PCNX2: variants seen among roughly 807,000 people sequenced by gnomAD.
The protein encoded by PCNX2 is pecanex-like protein 2.
PCNX2 carries 168 observed loss-of-function variants against 223.8 expected under a neutral mutation model. The ratio of observed to expected loss-of-function variants is 0.75; its 90% CI spans 0.66 to 0.85. The LOEUF (loss-of-function observed/expected upper bound fraction) is 0.85. Ranked by LOEUF, PCNX2 falls within the 40% of genes least tolerant of loss-of-function variation. The pLI, the probability that PCNX2 is intolerant of heterozygous loss-of-function variation, is 0.00. For missense variants in PCNX2, 2,507 were observed against 2,675.5 expected (o/e 0.94, Z 1.39); for synonymous variants, 1,006 against 1,052.6 (o/e 0.96, Z 0.86).
intron 30 of PCNX2, among the ~76,000 whole-genome samples, chr1:232,999,791 CTT>C (rs1389765861): frequency 6.6e-6 from 1 of 152,170 alleles, no homozygotes; most frequent in African/African-American, 2.4e-5. Flanking sequence ...GTGTAAAGCT[CTT>C]TTCACAGTTA....
chr1:233,228,167 G>C (rs1479949459), intron 9 of PCNX2, among the ~76,000 whole-genome samples: 2 of 152,000 alleles, frequency 1.3e-5, no homozygotes, highest in Non-Finnish European at 2.9e-5. Context: ...CCTCCTATTG[G>C]ACATCCCACC....
rs370037293 is a variant in PCNX2 at position 233,126,879 on chromosome 1, A to G, written c.3837+8134T>C. 1.3e-5 allele frequency among the ~76,000 whole-genome samples: 2 copies of G among 151,828 alleles called. No homozygotes were observed. The highest frequency in any genetic ancestry group is 2.4e-5 in the African/African-American group (1 of 41,280). On this transcript the variant is annotated intron_variant, in intron 21 of 33. Transcript: ENST00000258229. This position sits in a 1 kb window ranked among gnomAD's most constrained non-coding sequence, Gnocchi z 4.8. ...AATCTAGTTAATGACACCCCCTTTC[A>G]TCTAGTCACTGAAGTATGCTGAGAG...
intron 21 of PCNX2, among the ~76,000 whole-genome samples, chr1:233,109,975 A>G (rs1369998743): frequency 6.6e-6 from 1 of 152,040 alleles, no homozygotes; most frequent in African/African-American, 2.4e-5. Flanking sequence ...TGTAATCCCA[A>G]CTACTCAGGA....
At chr1:233,026,516 G>T (rs1572025019) in intron 25 of PCNX2, among the ~76,000 whole-genome samples, 1 of 152,198 alleles carries the variant, frequency 6.6e-6, no homozygotes, top group African/African-American at 2.4e-5. Flanking sequence ...GGGAACAAGA[G>T]TGGGAGCCAG....
intron 25 of PCNX2, among the ~76,000 whole-genome samples, chr1:233,042,586 C>T (rs755450281): frequency 6.6e-6 from 1 of 152,194 alleles, no homozygotes; most frequent in Admixed American, 6.5e-5. Context: ...CACACTGTAA[C>T]AGGGAGAAGT....
At chr1:233,215,450 A>G (rs76846566) in intron 12 of PCNX2, among the ~76,000 whole-genome samples, 7 of 152,336 alleles carry the variant, frequency 4.6e-5, no homozygotes, top group African/African-American at 1.7e-4. Flanking sequence ...AGATAAAGGA[A>G]TAGCAGCTTG....
At chr1:233,213,816 CTTTTTTTT>C (rs71173256) in intron 12 of PCNX2, among the ~76,000 whole-genome samples, 18 of 65,264 alleles carry the variant, frequency 2.8e-4, no homozygotes, top group African/African-American at 9.6e-4. Context: ...CCAGTGCACT[CTTTTTTTT>C]TTTTTTTTTT....
chr1:233,058,490 A>G (rs979700930), intron 23 of PCNX2: 1 of 152,252 alleles, frequency 6.6e-6, no homozygotes, highest in East Asian at 1.9e-4. Flanking sequence ...CAAAATGGCA[A>G]TTTCATATGG....
chr1:233,025,279 T>C lies in PCNX2; in HGVS notation c.4472A>G (p.His1491Arg). The C allele has an allele frequency of 1.9e-6, 3 of 1,613,774 alleles. No individual in the cohort carries two copies. In the South Asian group the frequency reaches 3.3e-5, roughly 18 times the overall value. The change falls in exon 26 of 34, where the codon CAC (histidine) becomes CGC (arginine). Residue 1491 changes from histidine to arginine, a missense_variant. His to Arg is a conservative substitution (Grantham distance 29). Transcript: ENST00000258229. The stretch of plus-strand genomic sequence containing the variant: ...GATTTCCCAGGTGAGCCAGCGGAGG[T>C]GAAAGGCAGCGTTGCAGGACAGCAG... Reference protein sequence around the residue: ...PHLLSCNAAFHLRWLTWEITQ... With the variant: ...PHLLSCNAAFRLRWLTWEITQ...
At chr1:233,289,178 C>T (rs1264719240) in intron 1 of PCNX2, 3 of 830,198 alleles carry the variant, frequency 3.6e-6, no homozygotes, top group East Asian at 2.4e-5. Context: ...AGACAACATG[C>T]TTCCCACTGA....
intron 8 of PCNX2, among the ~76,000 whole-genome samples, chr1:233,240,521 A>G (rs1302122982): frequency 6.6e-6 from 1 of 152,238 alleles, no homozygotes; most frequent in Non-Finnish European, 1.5e-5. Flanking sequence ...TGTAGTAACT[A>G]TTCTGTGAAC....
chr1:233,120,672 A>G (rs146937291), intron 21 of PCNX2, among the ~76,000 whole-genome samples: 2 of 152,338 alleles, frequency 1.3e-5, no homozygotes, highest in East Asian at 1.9e-4. Flanking sequence ...GAAAAAGACA[A>G]TCCCCAAAAG....
Position 232,988,381 on chromosome 1 carries a change from C to T in PCNX2, c.5792-1841G>A, listed in dbSNP as rs373645935. ...TAGTCTGTGCAAGACAAGGACTCCC[C>T]CGCCACCCGATTTCATTGCTTCAGG... On this transcript the variant is annotated intron_variant, in intron 32 of 33. Coordinates refer to ENST00000258229, the MANE Select transcript of PCNX2 (RefSeq NM_014801.4). 1.5e-3 allele frequency among the ~76,000 whole-genome samples: 225 copies of T among 152,038 alleles called. 1 individual carries two copies. The highest frequency in any genetic ancestry group is 5.2e-3 in the African/African-American group (217 of 41,440).
chr1:233,314,593 T>C, the PCNX2 span, among the ~76,000 whole-genome samples: 2 of 152,098 alleles, frequency 1.3e-5, no homozygotes, highest in African/African-American at 4.8e-5. Context: ...TCCATCTAAG[T>C]AGGAAAAATA....
chr1:233,218,289 C>T (rs1244018879), intron 10 of PCNX2, 105 bp from the exon 11 acceptor site: 2 of 1,081,988 alleles, frequency 1.8e-6, no homozygotes, highest in Non-Finnish European at 2.5e-6. Flanking sequence ...TGCTCTATCG[C>T]CCAGGCTGGA....
At chr1:233,160,244 TC>T in intron 19 of PCNX2, 38 bp downstream of exon 19, 5 of 1,565,484 alleles carry the variant, frequency 3.2e-6, no homozygotes, top group Non-Finnish European at 4.4e-6. Flanking sequence ...TACCTACCCC[TC>T]CTTTTTTTTT....
intron 15 of PCNX2, among the ~76,000 whole-genome samples, chr1:233,193,560 G>A (rs897580351): frequency 2.6e-5 from 4 of 152,164 alleles, no homozygotes; most frequent in African/African-American, 9.7e-5. Flanking sequence ...ACACTGACAA[G>A]TGATGCCAAT....
chr1:233,108,004 G>GCGC (rs1162796837), intron 21 of PCNX2, among the ~76,000 whole-genome samples: 3 of 152,162 alleles, frequency 2.0e-5, no homozygotes, highest in Non-Finnish European at 4.4e-5. Flanking sequence ...ACTCCCACCA[G>GCGC]CGCCGTGACA....
At chr1:233,260,655 C>T (rs1360980071) in intron 4 of PCNX2, among the ~76,000 whole-genome samples, 5 of 151,780 alleles carry the variant, frequency 3.3e-5, no homozygotes, top group South Asian at 2.1e-4. Flanking sequence ...TTTTCTAGAG[C>T]GAATTAAACT....
Sources: allele counts gnomAD v4.1 joint callset (sites outside exome capture counted in the v4.1 genomes callset), GRCh38; gene constraint gnomAD v4.1.1; non-coding constraint Gnocchi (gnomAD v3.1); transcripts MANE v1.5; gene names NCBI Gene and HGNC (gene_info 2026-07-23, HGNC 2026-07-21).